SNTB1: variants seen among roughly 807,000 people sequenced by gnomAD.
The protein encoded by SNTB1 is syntrophin beta 1.
Under a neutral mutation model 48.9 loss-of-function variants are expected in SNTB1, and 36 were observed. The ratio of observed to expected loss-of-function variants is 0.74; its 90% CI spans 0.56 to 0.97. The LOEUF (loss-of-function observed/expected upper bound fraction) is 0.97. Ranked by LOEUF, SNTB1 falls within the 50% of genes least tolerant of loss-of-function variation. The probability of loss-of-function intolerance (pLI) is 0.00; values close to 1 mark genes in which losing one functional copy is unlikely to be tolerated. For synonymous variants in SNTB1, 299 were observed against 294.6 expected, an observed-to-expected ratio of 1.01 and a Z score of -0.15; for missense variants, 786 against 703.4, an observed-to-expected ratio of 1.12 and a Z score of -1.33.
chr8:120,731,849 T>C (rs1246123441), intron 1 of SNTB1, among the ~76,000 whole-genome samples: 2 of 152,230 alleles, frequency 1.3e-5, no homozygotes. Flanking sequence ...ACTTGTTGAA[T>C]TTTTAAGCTC....
intron 1 of SNTB1, among the ~76,000 whole-genome samples, chr8:120,795,729 TCAG>T (rs1385538593): frequency 6.6e-6 from 1 of 151,968 alleles, no homozygotes; most frequent in Non-Finnish European, 1.5e-5. Flanking sequence ...GATCCAGGTG[TCAG>T]CAGGTTTGGT....
chr8:120,576,089 C>G (rs943729298), intron 3 of SNTB1, among the ~76,000 whole-genome samples: 3 of 152,196 alleles, frequency 2.0e-5, no homozygotes, highest in African/African-American at 7.2e-5. Flanking sequence ...AAAATATGGA[C>G]TATGTTCCAG....
chr8:120,690,038 T>G (rs1169339000), intron 2 of SNTB1, among the ~76,000 whole-genome samples: 2 of 151,818 alleles, frequency 1.3e-5, no homozygotes, highest in Non-Finnish European at 2.9e-5. Flanking sequence ...GGTTCCACTT[T>G]CCATGGTTTC....
chr8:120,601,481 T>C (rs1310437616), intron 3 of SNTB1, among the ~76,000 whole-genome samples: 2 of 152,170 alleles, frequency 1.3e-5, no homozygotes, highest in Non-Finnish European at 2.9e-5. Flanking sequence ...CTAATCCAGT[T>C]GAGAGTTTCA....
chr8:120,689,234 A>G (rs1818085069), intron 2 of SNTB1, among the ~76,000 whole-genome samples: 9 of 152,204 alleles, frequency 5.9e-5, no homozygotes, highest in Admixed American at 5.9e-4. Flanking sequence ...TGTGTCACCA[A>G]CTGAGGGGAT....
At chr8:120,631,154 A>C (rs1262475113) in intron 3 of SNTB1, among the ~76,000 whole-genome samples, 1 of 152,200 alleles carries the variant, frequency 6.6e-6, no homozygotes, top group East Asian at 1.9e-4. Flanking sequence ...AAACACATGC[A>C]TTTGGAGAGA....
At chr8:120,617,193 G>A (rs1438602070) in intron 3 of SNTB1, among the ~76,000 whole-genome samples, 2 of 152,184 alleles carry the variant, frequency 1.3e-5, no homozygotes, top group Admixed American at 1.3e-4. Context: ...GCCCAGGAAA[G>A]CCAAAAGATT....
chr8:120,595,008 T>C (rs1057346668), intron 3 of SNTB1, among the ~76,000 whole-genome samples: 2 of 151,844 alleles, frequency 1.3e-5, no homozygotes, highest in Non-Finnish European at 2.9e-5. Context: ...CAAAAAAAAG[T>C]GAAGGCAAGA....
At chr8:120,761,924 T>A (rs1359465994) in intron 1 of SNTB1, among the ~76,000 whole-genome samples, 1 of 152,250 alleles carries the variant, frequency 6.6e-6, no homozygotes, top group Non-Finnish European at 1.5e-5. Flanking sequence ...TCCAGCAGTC[T>A]GTGTATTTCA....
intron 5 of SNTB1, among the ~76,000 whole-genome samples, chr8:120,545,113 G>C (rs1477503298): frequency 6.6e-6 from 1 of 152,170 alleles, no homozygotes; most frequent in Non-Finnish European, 1.5e-5. Context: ...GGAGGCCGAG[G>C]TGGGTGGATC....
chr8:120,809,531 T>A (rs1029229255), intron 1 of SNTB1, among the ~76,000 whole-genome samples: 1 of 152,198 alleles, frequency 6.6e-6, no homozygotes, highest in African/African-American at 2.4e-5. Context: ...CTTTGCCAAG[T>A]CATTATTCAT....
chr8:120,772,121 G>A (rs374136411), intron 1 of SNTB1, among the ~76,000 whole-genome samples: 24 of 151,966 alleles, frequency 1.6e-4, no homozygotes, highest in African/African-American at 5.3e-4. Flanking sequence ...CACCTGCCTC[G>A]GGTTCCCAAA....
At chr8:120,653,776 A>G (rs1459653614) in intron 2 of SNTB1, among the ~76,000 whole-genome samples, 1 of 151,968 alleles carries the variant, frequency 6.6e-6, no homozygotes, top group Non-Finnish European at 1.5e-5. Flanking sequence ...GCTGTGGCTC[A>G]CGCCTGTAAT....
chr8:120,579,555 T>C (rs562809094), intron 3 of SNTB1, among the ~76,000 whole-genome samples: 362 of 152,240 alleles, frequency 2.4e-3, no homozygotes, highest in African/African-American at 8.3e-3. Flanking sequence ...GTGCATGCCC[T>C]GTAGCCCCCA....
chr8:120,786,679 T>C (rs1209781515), intron 1 of SNTB1, among the ~76,000 whole-genome samples: 1 of 152,174 alleles, frequency 6.6e-6, no homozygotes, highest in Non-Finnish European at 1.5e-5. Context: ...ATAGCCAGAA[T>C]ACCAGGTCAA....
In SNTB1 at chr8:120,584,151, C is replaced by A. The variant is rs1377347525; in HGVS notation, c.997-8926G>T. ...CAAAACGCTATCTCTACCGAAAATA[C>A]AAAAATTAGGGCACGCACGGTGGCT... is the stretch of plus-strand genomic sequence containing the variant. On this transcript the variant is annotated intron_variant, in intron 3 of 6. Transcript: ENST00000517992. Among the ~76,000 whole-genome samples, 3 of 152,010 alleles carry A rather than the reference C, an allele frequency of 2.0e-5. No homozygotes were observed. The East Asian group carries it at 5.8e-4, about 29-fold the overall frequency.
In SNTB1 at chr8:120,684,809, C is replaced by G. The variant is rs1049273905; in HGVS notation, c.788+8883G>C. 2.0e-5 allele frequency among the ~76,000 whole-genome samples: 3 copies of G among 152,004 alleles called. No homozygotes were observed. In the East Asian group the frequency reaches 5.8e-4, roughly 29 times the overall value. On this transcript the variant is annotated intron_variant, in intron 2 of 6. Transcript: ENST00000517992. ...AGCTGGGATTACAGGCATCTGCCAC[C>G]ACACCCAGCTAATTTTTTGTATTTT...
Position 120,811,789 on chromosome 8 carries a change from G to A in SNTB1, c.55C>T (p.Arg19Trp), listed in dbSNP as rs1398806063. The A allele has an allele frequency of 8.9e-6, 13 of 1,453,144 alleles. No homozygotes were observed. Among genetic ancestry groups the A allele is most frequent in the Non-Finnish European group, 1.2e-5 (13 of 1,104,706 alleles). 90.0% of individuals were successfully genotyped at this position (1,453,144 alleles called of 1,614,324 possible). A position where few individuals can be genotyped will look rare whatever the true frequency, so the allele number is the denominator to read the frequency against. The change falls in exon 1 of 7, where the codon CGG (arginine) becomes TGG (tryptophan). Residue 19 changes from arginine to tryptophan, a missense_variant. Physicochemically the swap from Arg to Trp is moderately radical, Grantham distance 101. Coordinates refer to ENST00000517992, the MANE Select transcript of SNTB1 (RefSeq NM_021021.4). ...TCCAGCAGCCCGCTCCGCTGCGCCC[G>A]GCCGCCTCCCGCGCCAGCCGGCCCA... The part of the protein sequence containing the change: ...AAGPAGAGGG[R>W]AQRSGLLEVL...
chr8:120,618,211 T>C (rs1055795976), intron 3 of SNTB1, among the ~76,000 whole-genome samples: 5 of 152,202 alleles, frequency 3.3e-5, no homozygotes, highest in Non-Finnish European at 7.3e-5. Context: ...AAATAAATTA[T>C]AGCATGCACA....
Sources: gnomAD v4.1 joint callset for allele counts (sites outside exome capture counted in the v4.1 genomes callset) on GRCh38, gnomAD v4.1.1 for gene constraint, MANE v1.5 for transcripts, NCBI Gene and HGNC (gene_info 2026-07-23, HGNC 2026-07-21) for gene names.